FABP7: variants seen among roughly 807,000 people sequenced by gnomAD.
The protein encoded by FABP7 is fatty acid binding protein 7.
FABP7 carries 13 observed loss-of-function variants against 14.2 expected under a neutral mutation model. The ratio of observed to expected loss-of-function variants is 0.91; its 90% confidence interval spans 0.59 to 1.45. FABP7 has a LOEUF of 1.45. FABP7 is among the 40% of genes most tolerant of loss of function. The probability of loss-of-function intolerance (pLI) is 0.00; values close to 1 mark genes in which losing one functional copy is unlikely to be tolerated. For missense variants in FABP7, 149 were observed against 157.6 expected (o/e 0.95, Z 0.29); for synonymous variants, 49 against 51.4 (o/e 0.95, Z 0.20).
At chr6:122,780,649 TA>T in intron 2 of FABP7, 186 bp downstream of exon 2, 1 of 639,938 alleles carries the variant, frequency 1.6e-6, no homozygotes, top group East Asian at 2.8e-5. Flanking sequence ...GTACTTGCTA[TA>T]GCATAAATCT....
chr6:122,758,077 A>T, the FABP7 span, among the ~76,000 whole-genome samples: 1 of 150,242 alleles, frequency 6.7e-6, no homozygotes, highest in Non-Finnish European at 1.5e-5. Context: ...AAAGCAAATT[A>T]AGTAAATTTG....
At chr6:122,780,262 A>G (rs2115143391) in intron 1 of FABP7, 29 bp from the exon 2 acceptor site, 1 of 1,612,884 alleles carries the variant, frequency 6.2e-7, no homozygotes, top group East Asian at 2.2e-5. Flanking sequence ...AAGTCGCTGC[A>G]GACTGTACTG....
At chr6:122,783,668 G>T in intron 3 of FABP7, 49 bp from the exon 4 acceptor site, 1 of 1,548,440 alleles carries the variant, frequency 6.5e-7, no homozygotes, top group South Asian at 1.3e-5. Flanking sequence ...AAAATTCGGT[G>T]ACTGAAGTTC....
At chr6:122,773,867 CTTT>C in the FABP7 span, among the ~76,000 whole-genome samples, 2 of 151,642 alleles carry the variant, frequency 1.3e-5, no homozygotes, top group African/African-American at 4.8e-5. Flanking sequence ...ATCTTTCTTT[CTTT>C]TATTTCACTA....
the FABP7 span, among the ~76,000 whole-genome samples, chr6:122,757,501 C>T: frequency 2.6e-5 from 4 of 151,980 alleles, no homozygotes; most frequent in Admixed American, 1.3e-4. Flanking sequence ...GATGCAATGT[C>T]GTAGAAGAGG....
chr6:122,754,943 T>C, the FABP7 span, among the ~76,000 whole-genome samples: 176 of 152,232 alleles, frequency 1.2e-3, 5 homozygotes, highest in South Asian at 0.031. Context: ...TTCTACTGGT[T>C]ATTTCCCAGG....
upstream of FABP7, among the ~76,000 whole-genome samples, chr6:122,776,155 C>T (rs191054399): frequency 1.3e-3 from 200 of 152,190 alleles, 1 homozygote; most frequent in Non-Finnish European, 2.3e-3. Context: ...CCATATGATG[C>T]AATAATCCCA....
chr6:122,757,893 T>C, the FABP7 span, among the ~76,000 whole-genome samples: 1 of 152,176 alleles, frequency 6.6e-6, no homozygotes, highest in East Asian at 1.9e-4. Context: ...TTATATAAAA[T>C]GAGATAGAAT....
the FABP7 span, among the ~76,000 whole-genome samples, chr6:122,771,607 C>T: frequency 2.6e-5 from 4 of 152,164 alleles, no homozygotes; most frequent in African/African-American, 4.8e-5. Flanking sequence ...CAAAACTCTC[C>T]TACTCTTGCA....
the FABP7 span, among the ~76,000 whole-genome samples, chr6:122,771,478 A>G: frequency 6.6e-6 from 1 of 152,200 alleles, no homozygotes; most frequent in East Asian, 1.9e-4. Context: ...TATAAGAACA[A>G]AAAGTTCTTG....
upstream of FABP7, among the ~76,000 whole-genome samples, chr6:122,778,042 T>C (rs1387206291): frequency 2.6e-5 from 4 of 152,222 alleles, no homozygotes; most frequent in African/African-American, 9.6e-5. Context: ...ATTTACGTTT[T>C]TGACTGTACT....
chr6:122,764,394 G>T, the FABP7 span, among the ~76,000 whole-genome samples: 10 of 152,050 alleles, frequency 6.6e-5, no homozygotes, highest in Non-Finnish European at 1.2e-4. Flanking sequence ...GTCATGGGGT[G>T]GGGGGAGTGG....
rs1402454340 is a variant in FABP7, at chr6:122,779,848, T to G, written c.54T>G (p.Asp18Glu). The G allele has an allele frequency of 1.5e-5, 25 of 1,613,978 alleles. No homozygotes were observed. Among genetic ancestry groups the G allele is most frequent in the Non-Finnish European group, 2.1e-5 (25 of 1,180,008 alleles). Reference sequence around the variant, plus strand: ...AGCTGACCAACAGTCAGAACTTTGATGAGTACATGAAGGCTCTAGGTAGGT... The same window carrying G: ...AGCTGACCAACAGTCAGAACTTTGAGGAGTACATGAAGGCTCTAGGTAGGT... ...TWKLTNSQNF[D>E]EYMKALGVGF... Residue 18 changes from aspartate (D) to glutamate (E), a missense_variant, in exon 1 of 4, where the codon GAT becomes GAG. By Grantham distance (45) the Asp-to-Glu change is conservative. Coordinates refer to ENST00000368444, the MANE Select transcript of FABP7 (RefSeq NM_001446.5).
At chr6:122,759,024 T>C in the FABP7 span, among the ~76,000 whole-genome samples, 1 of 152,184 alleles carries the variant, frequency 6.6e-6, no homozygotes, top group Non-Finnish European at 1.5e-5. Flanking sequence ...GGGACCAACA[T>C]AATATTCTGT....
the FABP7 span, among the ~76,000 whole-genome samples, chr6:122,756,184 C>T: frequency 6.6e-6 from 1 of 152,124 alleles, no homozygotes; most frequent in Non-Finnish European, 1.5e-5. Flanking sequence ...TTCTTTTGTA[C>T]CTACTTCTCG....
At chr6:122,760,836 T>A in the FABP7 span, among the ~76,000 whole-genome samples, 4 of 152,264 alleles carry the variant, frequency 2.6e-5, no homozygotes, top group Non-Finnish European at 5.9e-5. Context: ...TGCAAAATGC[T>A]AGAAATGAGA....
chr6:122,768,103 A>C, the FABP7 span, among the ~76,000 whole-genome samples: 1 of 152,132 alleles, frequency 6.6e-6, no homozygotes, highest in African/African-American at 2.4e-5. Flanking sequence ...TAGACCATTA[A>C]ACATATGAAA....
the FABP7 span, among the ~76,000 whole-genome samples, chr6:122,770,336 A>T: frequency 6.6e-6 from 1 of 152,090 alleles, no homozygotes; most frequent in South Asian, 2.1e-4. Flanking sequence ...TCTTTAGGGT[A>T]GTTATAGGTC....
At chr6:122,758,930 G>A in the FABP7 span, among the ~76,000 whole-genome samples, 1 of 152,162 alleles carries the variant, frequency 6.6e-6, no homozygotes, top group Non-Finnish European at 1.5e-5. Flanking sequence ...ACAGCAATTA[G>A]CATGACTGCT....
Sources: gnomAD v4.1 joint callset for allele counts (sites outside exome capture counted in the v4.1 genomes callset) on GRCh38, gnomAD v4.1.1 for gene constraint, MANE v1.5 for transcripts, NCBI Gene and HGNC (gene_info 2026-07-23, HGNC 2026-07-21) for gene names.